The following CSMD3 variants were observed in gnomAD, a reference collection of about 807,000 sequenced individuals.
CSMD3 encodes CUB and Sushi multiple domains 3.
Under a neutral mutation model 435.2 loss-of-function variants are expected in CSMD3, and 177 were observed. That is an observed-to-expected ratio of 0.41 (90% CI 0.36 to 0.46). CSMD3 has a LOEUF of 0.46. Ranked by LOEUF, CSMD3 falls within the 20% of genes least tolerant of loss-of-function variation. The pLI, the probability that CSMD3 is intolerant of heterozygous loss-of-function variation, is 0.34. For synonymous variants in CSMD3, 1,656 were observed against 1,520.5 expected, an observed-to-expected ratio of 1.09 and a Z score of -2.07; for missense variants, 4,265 against 4,504.6, an observed-to-expected ratio of 0.95 and a Z score of 1.52.
intron 32 of CSMD3, among the ~76,000 whole-genome samples, chr8:112,467,330 C>T (rs948923511): frequency 2.6e-5 from 4 of 152,056 alleles, no homozygotes; most frequent in African/African-American, 9.7e-5. Flanking sequence ...AATATGTCTT[C>T]GGGGTGTGTC....
intron 5 of CSMD3, among the ~76,000 whole-genome samples, chr8:113,076,429 C>T (rs1285435452): frequency 1.3e-5 from 2 of 151,792 alleles, no homozygotes; most frequent in Non-Finnish European, 2.9e-5. Context: ...CCATAATACC[C>T]AGAACAGCAA....
At chr8:113,389,343 A>T (rs74846167) in intron 1 of CSMD3, among the ~76,000 whole-genome samples, 1 of 151,834 alleles carries the variant, frequency 6.6e-6, no homozygotes, top group Non-Finnish European at 1.5e-5. Flanking sequence ...TAAAAACAAC[A>T]AAAACAAAAC....
chr8:112,847,760 A>C (rs2129667392), intron 11 of CSMD3, among the ~76,000 whole-genome samples: 1 of 152,256 alleles, frequency 6.6e-6, no homozygotes, highest in African/African-American at 2.4e-5. Context: ...ATGAAGTGGC[A>C]AAAGGCTATC....
At chr8:112,372,273 T>C (rs1828470905) in intron 38 of CSMD3, among the ~76,000 whole-genome samples, 1 of 152,146 alleles carries the variant, frequency 6.6e-6, no homozygotes, top group Non-Finnish European at 1.5e-5. Context: ...TGGGGGAATA[T>C]TACAAAATTC....
intron 35 of CSMD3, among the ~76,000 whole-genome samples, chr8:112,404,312 G>A (rs918500826): frequency 3.9e-5 from 6 of 152,028 alleles, no homozygotes; most frequent in African/African-American, 1.4e-4. Flanking sequence ...GGTGGATCAC[G>A]ATGTCAGGAG....
intron 13 of CSMD3, among the ~76,000 whole-genome samples, chr8:112,698,929 C>T (rs1213467813): frequency 6.6e-6 from 1 of 151,946 alleles, no homozygotes; most frequent in African/African-American, 2.4e-5. Context: ...TGTAAAAACG[C>T]ACCAATCAGC....
intron 1 of CSMD3, among the ~76,000 whole-genome samples, chr8:113,315,760 C>A (rs370540784): frequency 6.7e-6 from 1 of 149,944 alleles, no homozygotes; most frequent in African/African-American, 2.5e-5. Context: ...GCTCTGTCAC[C>A]CAGGCTGTAG....
intron 1 of CSMD3, among the ~76,000 whole-genome samples, chr8:113,409,399 A>C (rs2094548214): frequency 6.6e-6 from 1 of 151,760 alleles, no homozygotes; most frequent in Non-Finnish European, 1.5e-5. Context: ...ACATTTTACT[A>C]CATTGTCAAG....
intron 12 of CSMD3, among the ~76,000 whole-genome samples, chr8:112,827,658 G>C (rs1302288734): frequency 6.6e-6 from 1 of 152,208 alleles, no homozygotes; most frequent in Non-Finnish European, 1.5e-5. Context: ...CAGTGTTTAT[G>C]AGTGTCAGGT....
chr8:112,546,698 A>G (rs1827211516), intron 27 of CSMD3, among the ~76,000 whole-genome samples: 1 of 152,206 alleles, frequency 6.6e-6, no homozygotes, highest in South Asian at 2.1e-4. Context: ...AGCAGAGGAT[A>G]TAGAAGCTGA....
intron 52 of CSMD3, among the ~76,000 whole-genome samples, chr8:112,303,358 C>A (rs78037775): frequency 2.0e-4 from 31 of 152,088 alleles, no homozygotes; most frequent in Non-Finnish European, 4.0e-4. Context: ...GAGTTCCAGA[C>A]CAGCCTGGCC....
intron 5 of CSMD3, among the ~76,000 whole-genome samples, chr8:113,094,190 T>A (rs1470461563): frequency 6.6e-6 from 1 of 152,222 alleles, no homozygotes; most frequent in African/African-American, 2.4e-5. Flanking sequence ...CTCTTTGATA[T>A]TCAATCACTC....
At chr8:112,636,749 G>T (rs2131579705) in intron 22 of CSMD3, 68 bp downstream of exon 22, 1 of 1,256,204 alleles carries the variant, frequency 8.0e-7, no homozygotes, top group Non-Finnish European at 1.2e-6. Flanking sequence ...AAGAACGAAG[G>T]GTGTAACCAT....
intron 22 of CSMD3, among the ~76,000 whole-genome samples, chr8:112,597,299 C>T (rs1360373010): frequency 6.6e-6 from 1 of 152,110 alleles, no homozygotes. Context: ...CATATACACC[C>T]TCCCAAGACT....
At chr8:112,569,118 G>A (rs1829294402) in intron 24 of CSMD3, among the ~76,000 whole-genome samples, 1 of 152,174 alleles carries the variant, frequency 6.6e-6, no homozygotes, top group Non-Finnish European at 1.5e-5. Flanking sequence ...TCCCAGGAAA[G>A]ATTTTGTATT....
chr8:112,296,040 T>A (rs1181693594), intron 53 of CSMD3, 34 bp from the exon 54 acceptor site: 3 of 1,528,038 alleles, frequency 2.0e-6, no homozygotes, highest in Non-Finnish European at 2.7e-6. Flanking sequence ...TTTTTAATAC[T>A]GTGATTTGTT....
At chr8:112,998,535 T>TA (rs2085740692) in intron 6 of CSMD3, among the ~76,000 whole-genome samples, 1 of 151,916 alleles carries the variant, frequency 6.6e-6, no homozygotes, top group Non-Finnish European at 1.5e-5. Context: ...CCCTCTTCAC[T>TA]AAATTTATTG....
At chr8:113,076,478 T>C (rs1181128546) in intron 5 of CSMD3, among the ~76,000 whole-genome samples, 8 of 151,988 alleles carry the variant, frequency 5.3e-5, no homozygotes, top group Non-Finnish European at 1.0e-4. Context: ...TTTACAATCA[T>C]AAAATACAAA....
intron 1 of CSMD3, among the ~76,000 whole-genome samples, chr8:113,369,491 T>C (rs936063765): frequency 4.6e-5 from 7 of 152,004 alleles, no homozygotes; most frequent in Non-Finnish European, 7.4e-5. Flanking sequence ...TGGAAAACAG[T>C]ATGAAGTTTC....
Sources: allele counts gnomAD v4.1 joint callset (sites outside exome capture counted in the v4.1 genomes callset), GRCh38; gene constraint gnomAD v4.1.1; transcripts MANE v1.5; gene names NCBI Gene and HGNC (gene_info 2026-07-23, HGNC 2026-07-21).